Variants in GLI3 observed in about 807,000 individuals in gnomAD.
The protein encoded by GLI3 is GLI family zinc finger 3, also known as transcription activator GLI3.
A neutral mutation model predicts 100.8 loss-of-function variants in GLI3; 20 were observed. That is an observed-to-expected ratio of 0.20 (90% CI 0.14 to 0.29). The LOEUF (loss-of-function observed/expected upper bound fraction) is 0.29. GLI3 is among the 10% of genes least tolerant of loss of function. The probability of loss-of-function intolerance (pLI) is 1.00; values close to 1 mark genes in which losing one functional copy is unlikely to be tolerated. For synonymous variants in GLI3, 938 were observed against 860.5 expected (o/e 1.09, Z -1.58); for missense variants, 2,040 against 2,128.5 (o/e 0.96, Z 0.82).
intron 3 of GLI3, among the ~76,000 whole-genome samples, chr7:42,121,718 T>C (rs1430050662): frequency 6.6e-6 from 1 of 151,976 alleles, no homozygotes; most frequent in Non-Finnish European, 1.5e-5. Flanking sequence ...GATCCTCATG[T>C]CCCCACCTCC....
intron 3 of GLI3, among the ~76,000 whole-genome samples, chr7:42,116,438 G>A (rs758692388): frequency 6.7e-6 from 1 of 148,432 alleles, no homozygotes; most frequent in Admixed American, 6.7e-5. Flanking sequence ...AAACTGAAAA[G>A]CTTCATTAAT....
At chr7:42,137,230 G>A (rs1471545941) in intron 3 of GLI3, among the ~76,000 whole-genome samples, 3 of 152,070 alleles carry the variant, frequency 2.0e-5, no homozygotes, top group African/African-American at 7.2e-5. Context: ...TTTCCCACCT[G>A]GGCCACTGCA....
chr7:41,994,525 T>G (rs1405592389), intron 10 of GLI3, among the ~76,000 whole-genome samples: 1 of 152,222 alleles, frequency 6.6e-6, no homozygotes, highest in Non-Finnish European at 1.5e-5. Flanking sequence ...GGTGTGTGTG[T>G]GTGCAAAATT....
At chr7:42,198,228 A>G (rs984236533) in intron 2 of GLI3, among the ~76,000 whole-genome samples, 2 of 152,228 alleles carry the variant, frequency 1.3e-5, no homozygotes, top group Admixed American at 1.3e-4. Context: ...AGAGACAGAA[A>G]GTAAACACGC....
intron 2 of GLI3, among the ~76,000 whole-genome samples, chr7:42,158,380 A>C (rs1403280587): frequency 6.6e-6 from 1 of 152,188 alleles, no homozygotes; most frequent in Non-Finnish European, 1.5e-5. Context: ...CCAGCTTGGC[A>C]TGACTTTCCT....
intron 3 of GLI3, among the ~76,000 whole-genome samples, chr7:42,111,074 GA>G (rs1215280895): frequency 6.6e-6 from 1 of 152,198 alleles, no homozygotes; most frequent in Non-Finnish European, 1.5e-5. Flanking sequence ...ACCAGAGTAG[GA>G]AAAGCAGTAT....
intron 3 of GLI3, among the ~76,000 whole-genome samples, chr7:42,141,046 C>T (rs1786557043): frequency 6.6e-6 from 1 of 152,182 alleles, no homozygotes; most frequent in Non-Finnish European, 1.5e-5. Flanking sequence ...TACATGGAAT[C>T]TTTAAGCAAC....
intron 4 of GLI3, 152 bp downstream of exon 4, chr7:42,076,600 C>T (rs931997869): frequency 1.6e-5 from 11 of 672,936 alleles, no homozygotes; most frequent in Middle Eastern, 3.5e-4. Context: ...AGTGAACCCA[C>T]GAACAGATAG....
rs558004050 is a variant in GLI3 at position 42,168,866 on chromosome 7, T to G, written c.125-20398A>C. 1.3e-5 allele frequency among the ~76,000 whole-genome samples: 2 copies of G among 152,192 alleles called. 1 individual carries two copies. The highest frequency in any genetic ancestry group is 4.8e-5 in the African/African-American group (2 of 41,522). On this transcript the variant is annotated intron_variant, in intron 2 of 14. Coordinates refer to ENST00000395925, the MANE Select transcript of GLI3 (RefSeq NM_000168.6). ...CTGGGAGGTTAAGGCTGCAGTGAGC[T>G]GTGATCGCACCACTGCACTCCAGTC...
rs184893491 is a variant in GLI3, at chr7:42,119,100, G to A, written c.367+29126C>T. Among the ~76,000 whole-genome samples, 133 of 152,298 alleles carry A rather than the reference G, an allele frequency of 8.7e-4. No individual in the cohort carries two copies. In the East Asian group the frequency reaches 9.1e-3, roughly 10 times the overall value. Reference sequence around the variant, plus strand: ...TGACAAGGCTCAGCCAAGGGAAGGAGGGACAGGACAGAGCACACCAACAAG... The same window carrying A: ...TGACAAGGCTCAGCCAAGGGAAGGAAGGACAGGACAGAGCACACCAACAAG... On this transcript the variant is annotated intron_variant, in intron 3 of 14. Coordinates refer to ENST00000395925, the MANE Select transcript of GLI3 (RefSeq NM_000168.6).
At chr7:42,228,508 C>A (rs1788630370) in intron 1 of GLI3, among the ~76,000 whole-genome samples, 1 of 152,164 alleles carries the variant, frequency 6.6e-6, no homozygotes, top group Non-Finnish European at 1.5e-5. Context: ...TCGGAATATT[C>A]ACGGGCATTT....
At chr7:41,996,108 A>C (rs992385414) in intron 10 of GLI3, among the ~76,000 whole-genome samples, 2 of 152,202 alleles carry the variant, frequency 1.3e-5, no homozygotes, top group Non-Finnish European at 2.9e-5. Context: ...GTGGATGGAG[A>C]GAAAACTGCT....
chr7:42,197,717 T>C (rs187668073), intron 2 of GLI3, among the ~76,000 whole-genome samples: 42 of 152,328 alleles, frequency 2.8e-4, no homozygotes, highest in African/African-American at 9.4e-4. Context: ...CTAAAAGCAG[T>C]GTCGGGCTTA....
intron 6 of GLI3, among the ~76,000 whole-genome samples, chr7:42,043,464 G>T (rs1214194215): frequency 5.3e-5 from 8 of 152,186 alleles, no homozygotes; most frequent in Admixed American, 1.3e-4. Flanking sequence ...AAGTAGCCCA[G>T]TTCTTCACTG....
chr7:42,062,739 C>T (rs974492147), intron 4 of GLI3, among the ~76,000 whole-genome samples: 4 of 142,284 alleles, frequency 2.8e-5, no homozygotes, highest in African/African-American at 1.1e-4. Flanking sequence ...ACACACATTT[C>T]TAAGAGCAGC....
At chr7:42,054,887 C>T (rs574525311) in intron 4 of GLI3, among the ~76,000 whole-genome samples, 19 of 151,640 alleles carry the variant, frequency 1.3e-4, no homozygotes, top group African/African-American at 3.9e-4. Context: ...CCCAGCTACT[C>T]GGGAGGCTGA....
At chr7:42,180,773 CA>C (rs34872979) in intron 2 of GLI3, among the ~76,000 whole-genome samples, 2,563 of 152,200 alleles carry the variant, frequency 0.017, 25 homozygotes, top group Non-Finnish European at 0.025. Flanking sequence ...AAATGACATC[CA>C]AAAAAGTCTT....
At chr7:42,172,544 G>C in intron 2 of GLI3, 2 of 702,992 alleles carry the variant, frequency 2.8e-6, no homozygotes, top group Non-Finnish European at 5.2e-6. Context: ...GGGTTTGTAC[G>C]CATTCTTTGG....
chr7:41,997,276 T>C (rs1444863802), intron 10 of GLI3, among the ~76,000 whole-genome samples: 2 of 152,222 alleles, frequency 1.3e-5, no homozygotes, highest in African/African-American at 4.8e-5. Context: ...GTCCAGCTTT[T>C]TTTTTTCTTC....
Sources: gnomAD v4.1 joint callset for allele counts (sites outside exome capture counted in the v4.1 genomes callset) on GRCh38, gnomAD v4.1.1 for gene constraint, MANE v1.5 for transcripts, NCBI Gene and HGNC (gene_info 2026-07-23, HGNC 2026-07-21) for gene names.